MALT1: variants seen among roughly 807,000 people sequenced by gnomAD.
MALT1 encodes the protein MALT1 paracaspase, also known as mucosa-associated lymphoid tissue lymphoma translocation protein 1.
A neutral mutation model predicts 85.5 loss-of-function variants in MALT1; 36 were observed. The ratio of observed to expected loss-of-function variants is 0.42; its 90% CI spans 0.32 to 0.56. MALT1 has a LOEUF of 0.56. Ranked by LOEUF, MALT1 falls within the 20% of genes least tolerant of loss-of-function variation. The pLI, the probability that MALT1 is intolerant of heterozygous loss-of-function variation, is 0.10. For missense variants in MALT1, 716 were observed against 981.6 expected, an observed-to-expected ratio of 0.73 and a Z score of 3.62; for synonymous variants, 359 against 361.3, an observed-to-expected ratio of 0.99 and a Z score of 0.07.
At chr18:58,711,729 G>A (rs1324456373) in intron 7 of MALT1, among the ~76,000 whole-genome samples, 1 of 151,944 alleles carries the variant, frequency 6.6e-6, no homozygotes, top group Non-Finnish European at 1.5e-5. Flanking sequence ...GCTCTACTTG[G>A]GTAAAGTAAG....
At chr18:58,741,336 C>G (rs2144483708) in intron 13 of MALT1, 1 of 152,038 alleles carries the variant, frequency 6.6e-6, no homozygotes, top group East Asian at 1.9e-4. Flanking sequence ...CTTTTCTTCT[C>G]TAACAAATAA....
chr18:58,680,929 CAAAAAAAAAAAAAAA>C (rs1165265799), intron 1 of MALT1, among the ~76,000 whole-genome samples: 54 of 67,228 alleles, frequency 8.0e-4, no homozygotes, highest in African/African-American at 3.6e-3. Flanking sequence ...GACTCCGTCT[CAAAAAAAAAAAAAAA>C]AAAAAAAAAA....
chr18:58,724,617 C>T (rs759560278), intron 10 of MALT1, among the ~76,000 whole-genome samples: 30 of 152,122 alleles, frequency 2.0e-4, no homozygotes, highest in South Asian at 4.1e-4. Context: ...TTACACCTTA[C>T]GTCATGAGGG....
intron 2 of MALT1, among the ~76,000 whole-genome samples, chr18:58,693,420 C>G (rs2054542721): frequency 6.6e-6 from 1 of 151,544 alleles, no homozygotes; most frequent in African/African-American, 2.4e-5. Context: ...GACCTTGTCT[C>G]AAAACAAAAA....
intron 10 of MALT1, among the ~76,000 whole-genome samples, chr18:58,728,829 A>G (rs1341842910): frequency 6.6e-6 from 1 of 152,150 alleles, no homozygotes; most frequent in Non-Finnish European, 1.5e-5. Context: ...TAACAGAACA[A>G]CATTCAGCTT....
Position 58,693,396 on chromosome 18 carries a change from A to C in MALT1, c.377-2970A>C, listed in dbSNP as rs186839511. On this transcript the variant is annotated intron_variant, in intron 2 of 16. Coordinates refer to ENST00000649217, the MANE Select transcript of MALT1 (RefSeq NM_006785.4). Reference sequence around the variant, plus strand: ...AGATCATGACACTGCACTCCAGCCTAGGTAACAGAGACAGACCTTGTCTCA... The same window carrying C: ...AGATCATGACACTGCACTCCAGCCTCGGTAACAGAGACAGACCTTGTCTCA... Among the ~76,000 whole-genome samples the C allele has an allele frequency of 1.2e-4, 19 of 152,356 alleles. No homozygotes were observed. The East Asian group carries it at 3.7e-3, about 29-fold the overall frequency.
chr18:58,735,474 T>A, intron 13 of MALT1, 145 bp downstream of exon 13: 2 of 757,168 alleles, frequency 2.6e-6, no homozygotes, highest in Non-Finnish European at 4.0e-6. Context: ...ATTTTTATAT[T>A]AATATAACGT....
Position 58,709,443 on chromosome 18 carries a change from A to C in MALT1, c.715A>C (p.Met239Leu), listed in dbSNP as rs977987078. ...TGTTGAACCAACTTCCCAAAAGCTGATGCCAGGCAGCACATTGGTTTTACA... is the reference window on the plus strand; with the variant it reads ...TGTTGAACCAACTTCCCAAAAGCTGCTGCCAGGCAGCACATTGGTTTTACA... Reference protein sequence around the residue: ...ICVEPTSQKLMPGSTLVLQCV... With the variant: ...ICVEPTSQKLLPGSTLVLQCV... Residue 239 changes from methionine to leucine, a missense_variant, in exon 5 of 17, where the codon ATG (methionine) becomes CTG (leucine). This residue lies in a region of MALT1 where 290 missense variants were observed against 380.5 expected (regional missense o/e 0.76). Transcript: ENST00000649217. The C allele has an allele frequency of 1.9e-6, 3 of 1,612,670 alleles. No individual in the cohort carries two copies. Among genetic ancestry groups the C allele is most frequent in the Non-Finnish European group, 2.5e-6 (3 of 1,179,254 alleles).
At chr18:58,720,574 TTCTCACACTGTTG>T (rs1305665931) in intron 9 of MALT1, among the ~76,000 whole-genome samples, 2 of 152,210 alleles carry the variant, frequency 1.3e-5, no homozygotes, top group East Asian at 3.8e-4. Flanking sequence ...AGACCTGTAG[TTCTCACACTGTTG>T]AACCCGTGCA....
At chr18:58,696,576 C>A in intron 3 of MALT1, 89 bp downstream of exon 3, 3 of 1,126,102 alleles carry the variant, frequency 2.7e-6, no homozygotes, top group East Asian at 2.8e-5. Context: ...GTAGTTTTAA[C>A]AGTTTGGTAA....
intron 13 of MALT1, among the ~76,000 whole-genome samples, chr18:58,738,149 T>A (rs1346921085): frequency 6.6e-6 from 1 of 152,200 alleles, no homozygotes; most frequent in Non-Finnish European, 1.5e-5. Flanking sequence ...ATTCTAAACT[T>A]ATTCCTTTTT....
intron 2 of MALT1, among the ~76,000 whole-genome samples, chr18:58,692,407 CCTCTCT>C (rs35054606): frequency 1.2e-3 from 152 of 130,302 alleles, no homozygotes; most frequent in East Asian, 2.5e-3. Context: ...ACTGGCCATT[CCTCTCT>C]CTCTCTCTCT....
chr18:58,720,549 G>A (rs978553502), intron 9 of MALT1, among the ~76,000 whole-genome samples: 10 of 152,108 alleles, frequency 6.6e-5, no homozygotes, highest in African/African-American at 9.7e-5. Flanking sequence ...GACAATTATC[G>A]ATACATATGT....
chr18:58,714,437 A>C (rs1033013143), intron 8 of MALT1, among the ~76,000 whole-genome samples: 1 of 152,222 alleles, frequency 6.6e-6, no homozygotes, highest in Admixed American at 6.5e-5. Flanking sequence ...TGAAAGCAGG[A>C]AGCAGTGTTT....
chr18:58,744,041 A>AATTGAGGCATATAAATTGAGGTCATAT (rs150427949), intron 14 of MALT1, among the ~76,000 whole-genome samples: 8,078 of 152,216 alleles, frequency 0.053, 345 homozygotes, highest in East Asian at 0.21. Flanking sequence ...TGCTTTATTA[A>AATTGAGGCATATAAATTGAGGTCATAT]AAATTCTGGT....
chr18:58,741,822 A>G (rs2055305091), intron 13 of MALT1, 43 bp from the exon 14 acceptor site: 1 of 1,234,010 alleles, frequency 8.1e-7, no homozygotes, highest in South Asian at 1.8e-5. Flanking sequence ...AAAACATAAG[A>G]ATTGGTGGTC....
At chr18:58,699,019 TA>T (rs1250709130) in intron 3 of MALT1, among the ~76,000 whole-genome samples, 1 of 152,194 alleles carries the variant, frequency 6.6e-6, no homozygotes, top group African/African-American at 2.4e-5. Context: ...TTGGGTCAGA[TA>T]AAGGAAGACT....
chr18:58,730,551 A>T (rs567210075), intron 10 of MALT1, among the ~76,000 whole-genome samples: 1 of 152,264 alleles, frequency 6.6e-6, no homozygotes, highest in South Asian at 2.1e-4. Flanking sequence ...TTATCATCTC[A>T]TGGACATTTT....
chr18:58,733,862 C>G (rs1412184042), intron 11 of MALT1: 1 of 1,184,268 alleles, frequency 8.4e-7, no homozygotes, highest in Non-Finnish European at 1.0e-6. Context: ...CTTTAATAAT[C>G]ACTATAGTTA....
Sources: gnomAD v4.1 joint callset for allele counts (sites outside exome capture counted in the v4.1 genomes callset) on GRCh38, gnomAD v4.1.1 for gene constraint, gnomAD v4.1.1 regional missense constraint, MANE v1.5 for transcripts, NCBI Gene and HGNC (gene_info 2026-07-23, HGNC 2026-07-21) for gene names.